The following S100A4 variants were observed in gnomAD, a reference collection of about 807,000 sequenced individuals.
S100A4 encodes S100 calcium binding protein A4.
S100A4 carries 4 observed loss-of-function variants against 6.3 expected under a neutral mutation model. That is an observed-to-expected ratio of 0.64 (90% CI 0.31 to 1.46). S100A4 has a LOEUF of 1.46. S100A4 is among the 40% of genes most tolerant of loss of function. The pLI, the probability that S100A4 is intolerant of heterozygous loss-of-function variation, is 0.07. For synonymous variants in S100A4, 44 were observed against 47.6 expected (o/e 0.92, Z 0.32); for missense variants, 108 against 120.8 (o/e 0.89, Z 0.50).
At chr1:153,544,391 C>T (rs1243730566) in intron 2 of S100A4, among the ~76,000 whole-genome samples, 4 of 152,192 alleles carry the variant, frequency 2.6e-5, no homozygotes, top group African/African-American at 9.7e-5. Flanking sequence ...ACACTGACCA[C>T]CTTGGGAAGT....
intron 1 of S100A4, chr1:153,545,146 G>A (rs960648458): frequency 2.7e-5 from 6 of 225,248 alleles, no homozygotes; most frequent in South Asian, 1.5e-4. Flanking sequence ...CAAAGGCCCC[G>A]CCCTTGCCAT....
chr1:153,544,515 TG>T, intron 2 of S100A4, 138 bp downstream of exon 2: 1 of 1,053,068 alleles, frequency 9.5e-7, no homozygotes, highest in Non-Finnish European at 1.4e-6. Flanking sequence ...CAGTGAGTGG[TG>T]GTGTTCAATG....
Position 153,543,687 on chromosome 1 carries a change from A to G in S100A4, c.*72T>C, listed in dbSNP as rs1665456824. 10 of 1,168,672 alleles carry G rather than the reference A, an allele frequency of 8.6e-6. No individual in the cohort carries two copies. Among genetic ancestry groups the G allele is most frequent in the East Asian group, 2.7e-5 (1 of 36,920 alleles). The allele number at this position is 1,168,672 out of a possible 1,614,324, so 72.4% of individuals were successfully genotyped here. On this transcript the variant is annotated 3_prime_UTR_variant, in exon 3 of 3. Transcript: ENST00000368716. ...CACGTGTCTGAAGGAGCCAGGGTGGAAAAAAAAAAGTGCCCACTGGCGACA... is the reference window on the plus strand; with the variant it reads ...CACGTGTCTGAAGGAGCCAGGGTGGGAAAAAAAAAGTGCCCACTGGCGACA...
At position 153,543,874 on chromosome 1, in the gene S100A4, C is replaced by T. The variant is rs763313182; in HGVS notation, c.191G>A (p.Ser64Asn). Reference sequence around the variant, plus strand: ...GAAGTCCACCTCGTTGTCCCTGTTGCTGTCCAAGTTGCTCATCAGCTTCTG... The same window carrying T: ...GAAGTCCACCTCGTTGTCCCTGTTGTTGTCCAAGTTGCTCATCAGCTTCTG... ...AFQKLMSNLD[S>N]NRDNEVDFQE... Residue 64 changes from serine to asparagine, a missense_variant, in exon 3 of 3, where the codon AGC (serine) becomes AAC (asparagine). Transcript: ENST00000368716. 4 of 1,614,232 alleles carry T rather than the reference C, an allele frequency of 2.5e-6. No homozygotes were observed. In the Admixed American group the frequency reaches 5.0e-5, roughly 20 times the overall value.
In S100A4 at chr1:153,543,890, T is replaced by C; in HGVS notation, c.175A>G (p.Met59Val). Residue 59 changes from methionine (M) to valine (V), a missense_variant, in exon 3 of 3, where the codon ATG (methionine) becomes GTG (valine). Met to Val is a conservative substitution (Grantham distance 21). Transcript: ENST00000368716. ...RTDEAAFQKL[M>V]SNLDSNRDNE... The stretch of plus-strand genomic sequence containing the variant: ...TCCCTGTTGCTGTCCAAGTTGCTCA[T>C]CAGCTTCTGGAAAGCAGCTTCATCT... 6.2e-7 allele frequency: 1 copy of C among 1,614,176 alleles called. No homozygotes were observed. The highest frequency in any genetic ancestry group is 8.5e-7 in the Non-Finnish European group (1 of 1,180,036).
chr1:153,544,612 AAATGCCCC>A lies in S100A4; in HGVS notation c.141+34_141+41del, dbSNP rs774920593. 1.3e-4 allele frequency: 202 copies of A among 1,608,796 alleles called. No individual in the cohort carries two copies. The African/African-American group carries it at 2.4e-3, about 19-fold the overall frequency. ...CAAGACTGCTGCCCTCCTCTGTGGG[AAATGCCCC>A]ACGTGGGGACTCACTCAGGCACTAC... On this transcript the variant is annotated intron_variant, in intron 2 of 2. Transcript: ENST00000368716.
intron 1 of S100A4, 168 bp from the exon 2 acceptor site, chr1:153,544,977 C>T (rs1366764520): frequency 5.7e-6 from 4 of 697,588 alleles, no homozygotes; most frequent in Non-Finnish European, 2.3e-6. Flanking sequence ...AGGGTGTGCA[C>T]AGTGGGGAAC....
At position 153,543,754 on chromosome 1, in the gene S100A4, A is replaced by T; in HGVS notation, c.*5T>A. 1 of 1,613,444 alleles carries T rather than the reference A, an allele frequency of 6.2e-7. No homozygotes were observed. The highest frequency in any genetic ancestry group is 8.5e-7 in the Non-Finnish European group (1 of 1,179,772). On this transcript the variant is annotated 3_prime_UTR_variant, in exon 3 of 3. Coordinates refer to ENST00000368716, the MANE Select transcript of S100A4 (RefSeq NM_002961.3). ...GCAGACCCCCCAACCACATCAGAGG[A>T]GTTTTCATTTCTTCCTGGGCTGCTT...
At chr1:153,544,501 C>T (rs1439427638) in intron 2 of S100A4, among the ~76,000 whole-genome samples, 153 bp downstream of exon 2, 19 of 152,192 alleles carry the variant, frequency 1.2e-4, no homozygotes, top group Admixed American at 1.2e-3. Flanking sequence ...AGCATGGGGC[C>T]AGGCAGTGAG....
chr1:153,543,818 C>T lies in S100A4; in HGVS notation c.247G>A (p.Ala83Thr), dbSNP rs939819644. The stretch of plus-strand genomic sequence containing the variant: ...TCAAAGAATTCGTTACACATCATGG[C>T]GATGCAGGACAGGAAGACACAGTAC... ...QEYCVFLSCIAMMCNEFFEGF... is the reference protein window; with the variant it reads ...QEYCVFLSCITMMCNEFFEGF... Residue 83 changes from alanine to threonine, a missense_variant, in exon 3 of 3, where the codon GCC becomes ACC. Transcript: ENST00000368716. The T allele has an allele frequency of 1.9e-6, 3 of 1,614,132 alleles. No homozygotes were observed. Among genetic ancestry groups the T allele is most frequent in the South Asian group, 1.1e-5 (1 of 91,080 alleles).
intron 2 of S100A4, 41 bp from the exon 3 acceptor site, chr1:153,543,964 G>A (rs1310903727): frequency 6.2e-7 from 1 of 1,609,076 alleles, no homozygotes; most frequent in South Asian, 1.1e-5. Flanking sequence ...CAGAAGCCCA[G>A]TGGGTGGAGC....
At position 153,544,868 on chromosome 1, in the gene S100A4, G is replaced by T. The variant is rs1665510574; in HGVS notation, c.-15-59C>A. 4 of 1,593,348 alleles carry T rather than the reference G, an allele frequency of 2.5e-6. No homozygotes were observed. The South Asian group carries it at 4.5e-5, about 18-fold the overall frequency. On this transcript the variant is annotated intron_variant, in intron 1 of 2. Coordinates refer to ENST00000368716, the MANE Select transcript of S100A4 (RefSeq NM_002961.3). The stretch of plus-strand genomic sequence containing the variant: ...ATCCCACCCCTCAGAGATGTGTTCA[G>T]AATGCCAGGCTCCACTCCCATCCCT...
In S100A4 at chr1:153,544,644, AC is replaced by A; in HGVS notation, c.141+9del. ...CCACGTGGGGACTCACTCAGGCACT[AC>A]CCACTCACCCCCAAGAAGCTGGGCA... On this transcript the variant is annotated intron_variant, in intron 2 of 2. Coordinates refer to ENST00000368716, the MANE Select transcript of S100A4 (RefSeq NM_002961.3). The A allele has an allele frequency of 6.2e-7, 1 of 1,614,050 alleles. No homozygotes were observed. The highest frequency in any genetic ancestry group is 8.5e-7 in the Non-Finnish European group (1 of 1,179,960).
intron 2 of S100A4, 60 bp downstream of exon 2, chr1:153,544,594 G>A: frequency 6.2e-7 from 1 of 1,606,488 alleles, no homozygotes; most frequent in South Asian, 1.1e-5. Flanking sequence ...GAGCAAGACT[G>A]CTGCCCTCCT....
chr1:153,543,978 G>A (rs1317770264), intron 2 of S100A4, 55 bp from the exon 3 acceptor site: 2 of 1,592,312 alleles, frequency 1.3e-6, no homozygotes, highest in Non-Finnish European at 1.7e-6. Context: ...GTGGAGCCAG[G>A]ACCAGACCCA....
intron 2 of S100A4, 98 bp from the exon 3 acceptor site, chr1:153,544,021 T>C (rs1665476742): frequency 7.3e-7 from 1 of 1,369,694 alleles, no homozygotes; most frequent in Non-Finnish European, 1.0e-6. Flanking sequence ...TCAGGGAGGC[T>C]CCTTTGGGAG....
chr1:153,544,053 C>T lies in S100A4; in HGVS notation c.142-130G>A, dbSNP rs1330239255. 8 of 940,874 alleles carry T rather than the reference C, an allele frequency of 8.5e-6. No homozygotes were observed. In the Admixed American group the frequency reaches 1.7e-4, roughly 20 times the overall value. The allele number at this position is 940,874 out of a possible 1,614,324, so 58.3% of individuals were successfully genotyped here. A position where few individuals can be genotyped will look rare whatever the true frequency, so the allele number is the denominator to read the frequency against. On this transcript the variant is annotated intron_variant, in intron 2 of 2. Transcript: ENST00000368716. ...GGAGGTCCAGTTTGGAACTCCAACCCTCAAGGCTAAGCTAGGGTGGAGAAG... is the reference window on the plus strand; with the variant it reads ...GGAGGTCCAGTTTGGAACTCCAACCTTCAAGGCTAAGCTAGGGTGGAGAAG...
chr1:153,543,759 T>C lies in S100A4; in HGVS notation c.306A>G (p.Ter102TrpextTer4), dbSNP rs1665461929. Residue 102 changes from the stop codon to tryptophan, a stop_lost, in exon 3 of 3, where the codon TGA becomes TGG. Coordinates refer to ENST00000368716, the MANE Select transcript of S100A4 (RefSeq NM_002961.3). The part of the protein sequence containing the change: ...GFPDKQPRKK[*>W] ...CCCCCCAACCACATCAGAGGAGTTT[T>C]CATTTCTTCCTGGGCTGCTTATCTG... The C allele has an allele frequency of 6.2e-7, 1 of 1,613,604 alleles. No homozygotes were observed. The highest frequency in any genetic ancestry group is 8.5e-7 in the Non-Finnish European group (1 of 1,179,828).
At chr1:153,544,019 G>T in intron 2 of S100A4, 96 bp from the exon 3 acceptor site, 1 of 1,382,858 alleles carries the variant, frequency 7.2e-7, no homozygotes, top group Non-Finnish European at 1.0e-6. Context: ...GTTCAGGGAG[G>T]CTCCTTTGGG....
Sources: gnomAD v4.1 joint callset for allele counts (sites outside exome capture counted in the v4.1 genomes callset) on GRCh38, gnomAD v4.1.1 for gene constraint, MANE v1.5 for transcripts, NCBI Gene and HGNC (gene_info 2026-07-23, HGNC 2026-07-21) for gene names.